KCNH5: variants seen among roughly 807,000 people sequenced by gnomAD.
KCNH5 encodes potassium voltage-gated channel subfamily H member 5.
KCNH5 carries 46 observed loss-of-function variants against 96.1 expected under a neutral mutation model. That is an observed-to-expected ratio of 0.48 (90% CI 0.38 to 0.61). The LOEUF is 0.61. KCNH5 is among the 20% of genes least tolerant of loss of function. The pLI is 0.00. For synonymous variants in KCNH5, 439 were observed against 449.8 expected, an observed-to-expected ratio of 0.98 and a Z score of 0.30; for missense variants, 907 against 1,225.8, an observed-to-expected ratio of 0.74 and a Z score of 3.88.
At chr14:62,761,637 T>C (rs1221619530) in intron 10 of KCNH5, among the ~76,000 whole-genome samples, 1 of 152,164 alleles carries the variant, frequency 6.6e-6, no homozygotes, top group South Asian at 2.1e-4. Flanking sequence ...GTAATACAAG[T>C]CTATAAAAAA....
At position 62,962,117 on chromosome 14, in the gene KCNH5, C is replaced by T. The variant is rs1890224587; in HGVS notation, c.943-11558G>A. 3.3e-5 allele frequency among the ~76,000 whole-genome samples: 5 copies of T among 151,604 alleles called. No homozygotes were observed. The South Asian group carries it at 6.3e-4, about 19-fold the overall frequency. ...GTGCAGATGGAGATGGATACAGGGACAGGGATGGAGATGAAGATGGAGATG... is the reference window on the plus strand; with the variant it reads ...GTGCAGATGGAGATGGATACAGGGATAGGGATGGAGATGAAGATGGAGATG... On this transcript the variant is annotated intron_variant, in intron 6 of 10. Coordinates refer to ENST00000322893, the MANE Select transcript of KCNH5 (RefSeq NM_139318.5).
At chr14:62,799,559 G>A (rs1886606547) in intron 9 of KCNH5, among the ~76,000 whole-genome samples, 1 of 95,916 alleles carries the variant, frequency 1.0e-5, no homozygotes, top group Non-Finnish European at 2.0e-5. Context: ...GGCAACAAGA[G>A]TGAAACTCCG....
rs1460166899 is a variant in KCNH5 at position 62,980,979 on chromosome 14, A to G, written c.835T>C (p.Ser279Pro). 1 of 1,614,038 alleles carries G rather than the reference A, an allele frequency of 6.2e-7. No homozygotes were observed. Among genetic ancestry groups the G allele is most frequent in the Non-Finnish European group, 8.5e-7 (1 of 1,180,024 alleles). Residue 279 changes from serine (S) to proline (P), a missense_variant, in exon 6 of 11, where the codon TCT becomes CCT. Ser to Pro is a moderately conservative substitution (Grantham distance 74, BLOSUM62 -1). Coordinates refer to ENST00000322893, the MANE Select transcript of KCNH5 (RefSeq NM_139318.5). ...TFVGPGGEVI[S>P]DPKLIRMNYL... ...TTCATCCTTATGAGCTTAGGGTCAG[A>G]AATGACCTCTCCACCGGGCCCCACG...
At chr14:62,970,451 G>A (rs1890385505) in intron 6 of KCNH5, among the ~76,000 whole-genome samples, 2 of 152,114 alleles carry the variant, frequency 1.3e-5, no homozygotes, top group South Asian at 4.1e-4. Flanking sequence ...TTTTCCAGAA[G>A]GTAGAGGCAG....
chr14:62,905,941 C>T (rs557263124), intron 7 of KCNH5, among the ~76,000 whole-genome samples: 225 of 152,350 alleles, frequency 1.5e-3, no homozygotes, highest in Non-Finnish European at 2.7e-3. Context: ...GCAGTGCTGT[C>T]TCCTACTCCC....
chr14:62,826,751 G>T (rs1361659945), intron 8 of KCNH5, among the ~76,000 whole-genome samples: 2 of 151,618 alleles, frequency 1.3e-5, no homozygotes, highest in African/African-American at 2.4e-5. Context: ...TATTCATGTG[G>T]TTATCTCTTT....
chr14:62,728,721 G>A (rs1243419048), intron 10 of KCNH5, among the ~76,000 whole-genome samples: 1 of 152,116 alleles, frequency 6.6e-6, no homozygotes, highest in African/African-American at 2.4e-5. Context: ...TTTTTAAAAG[G>A]GGATACTAAC....
At chr14:62,956,556 A>G (rs1890107982) in intron 6 of KCNH5, among the ~76,000 whole-genome samples, 1 of 146,386 alleles carries the variant, frequency 6.8e-6, no homozygotes, top group South Asian at 2.2e-4. Context: ...CTGATGTGTT[A>G]TTAAGCTAAC....
chr14:62,867,316 T>A (rs1888154242), intron 7 of KCNH5, among the ~76,000 whole-genome samples: 1 of 152,186 alleles, frequency 6.6e-6, no homozygotes, highest in Non-Finnish European at 1.5e-5. Context: ...TCACTCCCCT[T>A]CTGAATCTCC....
rs1891697997 is a variant in KCNH5 at position 63,035,075 on chromosome 14, AC to A, written c.73+10038del. ...ATATTGCAATGAAATTTCTTAAAATACCTGAAGCTATAAGACTTATGCTAGT... is the reference window on the plus strand; with the variant it reads ...ATATTGCAATGAAATTTCTTAAAATACTGAAGCTATAAGACTTATGCTAGT... On this transcript the variant is annotated intron_variant, in intron 1 of 10. Coordinates refer to ENST00000322893, the MANE Select transcript of KCNH5 (RefSeq NM_139318.5). Among the ~76,000 whole-genome samples the A allele has an allele frequency of 3.9e-5, 6 of 152,326 alleles. No homozygotes were observed. The South Asian group carries it at 1.2e-3, about 32-fold the overall frequency.
At chr14:63,016,534 C>T (rs925760481) in intron 2 of KCNH5, among the ~76,000 whole-genome samples, 10 of 152,044 alleles carry the variant, frequency 6.6e-5, no homozygotes, top group Non-Finnish European at 1.0e-4. Context: ...TGATACAAGA[C>T]GTTCCTCTGA....
chr14:62,782,735 C>T (rs932975839), intron 9 of KCNH5, among the ~76,000 whole-genome samples: 6 of 152,038 alleles, frequency 3.9e-5, no homozygotes, highest in Admixed American at 1.3e-4. Context: ...GGCGTGAACC[C>T]GGGAGGCAGA....
chr14:62,820,275 C>T (rs532892037), intron 8 of KCNH5, among the ~76,000 whole-genome samples: 1 of 151,978 alleles, frequency 6.6e-6, no homozygotes, highest in African/African-American at 2.4e-5. Context: ...AATTGTGAAA[C>T]CTCTATCTTC....
At chr14:62,932,352 T>C (rs531379344) in intron 7 of KCNH5, among the ~76,000 whole-genome samples, 1 of 151,344 alleles carries the variant, frequency 6.6e-6, no homozygotes, top group South Asian at 2.1e-4. Context: ...CAAGAGCTCT[T>C]GGAAATTAAC....
intron 7 of KCNH5, among the ~76,000 whole-genome samples, chr14:62,927,689 TAG>T (rs913424107): frequency 3.3e-5 from 5 of 152,012 alleles, no homozygotes; most frequent in African/African-American, 1.2e-4. Context: ...CTCAAATTCA[TAG>T]AGACAGAAAG....
chr14:63,008,623 T>C (rs946734633), intron 2 of KCNH5, among the ~76,000 whole-genome samples: 2 of 152,122 alleles, frequency 1.3e-5, no homozygotes, highest in African/African-American at 4.8e-5. Flanking sequence ...AGGAAAATTT[T>C]AATTGTCATT....
chr14:62,894,002 C>T (rs944845316), intron 7 of KCNH5, among the ~76,000 whole-genome samples: 4 of 152,012 alleles, frequency 2.6e-5, no homozygotes, highest in Admixed American at 1.3e-4. Context: ...ATCTTCCACC[C>T]GCAAAAAGAT....
intron 8 of KCNH5, among the ~76,000 whole-genome samples, chr14:62,826,806 C>A (rs887263967): frequency 6.6e-6 from 1 of 151,738 alleles, no homozygotes; most frequent in South Asian, 2.1e-4. Context: ...TTTATCAGAG[C>A]ATTTATAGTT....
At chr14:62,724,105 C>A (rs1884872460) in intron 10 of KCNH5, among the ~76,000 whole-genome samples, 1 of 152,140 alleles carries the variant, frequency 6.6e-6, no homozygotes, top group African/African-American at 2.4e-5. Context: ...TTTCACAGAT[C>A]AGAAAGTAAT....
Sources: gnomAD v4.1 joint callset for allele counts (sites outside exome capture counted in the v4.1 genomes callset) on GRCh38, gnomAD v4.1.1 for gene constraint, MANE v1.5 for transcripts, NCBI Gene and HGNC (gene_info 2026-07-23, HGNC 2026-07-21) for gene names.